CYP4Z1: variants seen among roughly 807,000 people sequenced by gnomAD.
CYP4Z1 encodes cytochrome P450 family 4 subfamily Z member 1, also known as cytochrome P450 4Z1.
CYP4Z1 carries 41 observed loss-of-function variants against 54.2 expected under a neutral mutation model. That is an observed-to-expected ratio of 0.76 (90% CI 0.59 to 0.98). CYP4Z1 has a LOEUF of 0.98. Among genes scored for constraint, CYP4Z1 ranks in the 50% least tolerant of loss-of-function variants. The probability of loss-of-function intolerance (pLI) is 0.00; values close to 1 mark genes in which losing one functional copy is unlikely to be tolerated. For synonymous variants in CYP4Z1, 163 were observed against 206.2 expected, an observed-to-expected ratio of 0.79 and a Z score of 1.79; for missense variants, 513 against 599.0, an observed-to-expected ratio of 0.86 and a Z score of 1.50.
At chr1:47,102,430 G>T (rs529398902) in intron 8 of CYP4Z1, among the ~76,000 whole-genome samples, 4 of 152,096 alleles carry the variant, frequency 2.6e-5, no homozygotes, top group Non-Finnish European at 5.9e-5. Flanking sequence ...TCTACCAGTG[G>T]TTTTTATATC....
At chr1:47,078,280 T>A (rs969389345) in intron 2 of CYP4Z1, among the ~76,000 whole-genome samples, 1 of 152,172 alleles carries the variant, frequency 6.6e-6, no homozygotes, top group African/African-American at 2.4e-5. Context: ...TATCTCCAAC[T>A]TTGATAATTT....
chr1:47,057,556 G>A, the CYP4Z1 span, among the ~76,000 whole-genome samples: 1 of 131,654 alleles, frequency 7.6e-6, no homozygotes, highest in Non-Finnish European at 1.6e-5. Flanking sequence ...TAAAGTCACT[G>A]AATTTTTCTT....
intron 2 of CYP4Z1, chr1:47,074,978 T>G (rs1569702902): frequency 2.5e-6 from 1 of 394,558 alleles, no homozygotes; most frequent in Non-Finnish European, 4.6e-6. Context: ...GTAGGCTTGA[T>G]CTTGATGGTG....
chr1:47,078,196 G>A (rs897082274), intron 2 of CYP4Z1, among the ~76,000 whole-genome samples: 1 of 152,046 alleles, frequency 6.6e-6, no homozygotes, highest in Non-Finnish European at 1.5e-5. Flanking sequence ...GTGTCTCACA[G>A]GTCTCTTAGG....
At chr1:47,077,746 G>C (rs1417205256) in intron 2 of CYP4Z1, among the ~76,000 whole-genome samples, 7 of 151,432 alleles carry the variant, frequency 4.6e-5, no homozygotes, top group African/African-American at 1.7e-4. Flanking sequence ...TCAGCCTCCT[G>C]AGCAGTTGGA....
Position 47,093,982 on chromosome 1 carries a change from T to G in CYP4Z1, c.773-584T>G, listed in dbSNP as rs533004906. ...AGAGAGAAAGTTTGATTTCTTATTT[T>G]CCTATTTGGATGCTTTTTATTTCTT... On this transcript the variant is annotated intron_variant, in intron 6 of 11. Coordinates refer to ENST00000334194, the MANE Select transcript of CYP4Z1 (RefSeq NM_178134.3). Among the ~76,000 whole-genome samples, 12 of 152,300 alleles carry G rather than the reference T, an allele frequency of 7.9e-5. No homozygotes were observed. In the South Asian group the frequency reaches 2.3e-3, roughly 29 times the overall value.
chr1:47,112,325 G>A (rs1557635420), intron 9 of CYP4Z1, among the ~76,000 whole-genome samples: 1 of 152,152 alleles, frequency 6.6e-6, no homozygotes, highest in Non-Finnish European at 1.5e-5. Flanking sequence ...GAGATAAATA[G>A]TCTAAGCATG....
chr1:47,111,624 AAGAT>A (rs1644792789), intron 9 of CYP4Z1, among the ~76,000 whole-genome samples: 1 of 152,256 alleles, frequency 6.6e-6, no homozygotes. Context: ...TGTAATTAAT[AAGAT>A]AGACTTTATG....
At chr1:47,061,640 C>G in the CYP4Z1 span, among the ~76,000 whole-genome samples, 1 of 152,248 alleles carries the variant, frequency 6.6e-6, no homozygotes, top group Non-Finnish European at 1.5e-5. Context: ...TGAAACTATT[C>G]CAAATAATTG....
At chr1:47,112,514 TAACA>T (rs60499742) in intron 9 of CYP4Z1, among the ~76,000 whole-genome samples, 64,717 of 151,722 alleles carry the variant, frequency 0.43, 15,084 homozygotes, top group East Asian at 0.96. Flanking sequence ...ATCACATTGA[TAACA>T]AACCTACTAA....
At chr1:47,103,598 T>TC (rs1644736272) in intron 8 of CYP4Z1, among the ~76,000 whole-genome samples, 1 of 140,306 alleles carries the variant, frequency 7.1e-6, no homozygotes, top group African/African-American at 2.9e-5. Flanking sequence ...TTTTTTTCTT[T>TC]TTTTTTTTTT....
intron 6 of CYP4Z1, among the ~76,000 whole-genome samples, chr1:47,087,739 G>A (rs1161741506): frequency 6.6e-6 from 1 of 152,182 alleles, no homozygotes; most frequent in Non-Finnish European, 1.5e-5. Flanking sequence ...ACATTGAATA[G>A]GAGTGGTGAG....
upstream of CYP4Z1, among the ~76,000 whole-genome samples, chr1:47,065,316 A>AATTATATC (rs1644443832): frequency 6.6e-6 from 1 of 152,160 alleles, no homozygotes. Flanking sequence ...AGAAAATCAA[A>AATTATATC]ATTATATCAA....
At chr1:47,099,446 G>C (rs6684967) in intron 8 of CYP4Z1, among the ~76,000 whole-genome samples, 162 bp downstream of exon 8, 5,185 of 152,108 alleles carry the variant, frequency 0.034, 273 homozygotes, top group African/African-American at 0.11. Flanking sequence ...ATTATCACTA[G>C]TTTTTATATA....
In CYP4Z1 at chr1:47,098,874, A is replaced by G. The variant is rs111704371; in HGVS notation, c.877-220A>G. On this transcript the variant is annotated intron_variant, in intron 7 of 11. Coordinates refer to ENST00000334194, the MANE Select transcript of CYP4Z1 (RefSeq NM_178134.3). ...AAATATGAACGTCCATAGGACTCTC[A>G]ATTTATTCTGCCCAGTTGAATTCTG... 5.0e-3 allele frequency among the ~76,000 whole-genome samples: 757 copies of G among 152,316 alleles called. 8 individuals are homozygous for G. The highest frequency in any genetic ancestry group is 0.017 in the African/African-American group (708 of 41,564).
intron 6 of CYP4Z1, among the ~76,000 whole-genome samples, chr1:47,094,155 A>G (rs1442430319): frequency 1.3e-5 from 2 of 152,150 alleles, no homozygotes; most frequent in African/African-American, 4.8e-5. Flanking sequence ...CTCTACCATG[A>G]GATATGACAT....
In CYP4Z1 at chr1:47,099,161, G is replaced by A; in HGVS notation, c.944G>A (p.Gly315Glu). Residue 315 changes from glycine to glutamate, a missense_variant, in exon 8 of 12, where the codon GGA becomes GAA. Coordinates refer to ENST00000334194, the MANE Select transcript of CYP4Z1 (RefSeq NM_178134.3). ...QAEVKTFMFAGHDTTSSAISW... is the reference protein window; with the variant it reads ...QAEVKTFMFAEHDTTSSAISW... ...GAAGTGAAAACGTTCATGTTTGCAG[G>A]ACATGACACCACATCCAGTGCTATC... The A allele has an allele frequency of 6.2e-7, 1 of 1,613,948 alleles. No homozygotes were observed. The highest frequency in any genetic ancestry group is 2.2e-5 in the East Asian group (1 of 44,852).
the CYP4Z1 span, among the ~76,000 whole-genome samples, chr1:47,056,502 C>T: frequency 6.6e-6 from 1 of 152,106 alleles, no homozygotes; most frequent in Non-Finnish European, 1.5e-5. Flanking sequence ...ATTGATCTGT[C>T]TAATGTTGAC....
chr1:47,079,588 A>T (rs1367151803), intron 2 of CYP4Z1, among the ~76,000 whole-genome samples: 1 of 152,246 alleles, frequency 6.6e-6, no homozygotes, highest in Non-Finnish European at 1.5e-5. Context: ...TAACAATTCT[A>T]TCAATCTCTT....
Sources: allele counts gnomAD v4.1 joint callset (sites outside exome capture counted in the v4.1 genomes callset), GRCh38; gene constraint gnomAD v4.1.1; transcripts MANE v1.5; gene names NCBI Gene and HGNC (gene_info 2026-07-23, HGNC 2026-07-21).